The following GRIK4 variants were observed in gnomAD, a reference collection of about 807,000 sequenced individuals.
GRIK4 encodes the protein glutamate receptor ionotropic, kainate 4.
In GRIK4, 40 loss-of-function variants were observed where a neutral mutation model predicts 104.9. The ratio of observed to expected loss-of-function variants is 0.38; its 90% CI spans 0.30 to 0.50. The LOEUF (loss-of-function observed/expected upper bound fraction) is 0.50. GRIK4 is among the 20% of genes least tolerant of loss of function. The pLI is 0.93. For synonymous variants in GRIK4, 485 were observed against 524.9 expected (o/e 0.92, Z 1.04); for missense variants, 1,047 against 1,308.1 (o/e 0.80, Z 3.08).
intron 8 of GRIK4, among the ~76,000 whole-genome samples, chr11:120,847,709 C>A (rs1953883074): frequency 6.6e-6 from 1 of 152,226 alleles, no homozygotes; most frequent in Non-Finnish European, 1.5e-5. Context: ...TATTACTCCC[C>A]ATGGACAGCC....
intron 8 of GRIK4, chr11:120,859,424 A>G (rs1166188689): frequency 6.6e-6 from 1 of 152,248 alleles, no homozygotes; most frequent in African/African-American, 2.4e-5. Flanking sequence ...GCCTGAATCC[A>G]CTATATCACC....
chr11:120,654,440 T>C (rs1949669378), intron 2 of GRIK4, among the ~76,000 whole-genome samples: 2 of 152,186 alleles, frequency 1.3e-5, no homozygotes, highest in Non-Finnish European at 2.9e-5. Context: ...CTCTGCCCAC[T>C]GCGACCTCTG....
At chr11:120,669,063 C>T (rs1949970411) in intron 3 of GRIK4, among the ~76,000 whole-genome samples, 1 of 152,198 alleles carries the variant, frequency 6.6e-6, no homozygotes, top group South Asian at 2.1e-4. Context: ...CTTGTCTCTT[C>T]TCTTCTTTTA....
At chr11:120,962,742 A>C in intron 18 of GRIK4, 61 bp downstream of exon 18, 1 of 1,090,378 alleles carries the variant, frequency 9.2e-7, no homozygotes, top group Non-Finnish European at 1.4e-6. Flanking sequence ...AGGGTAGCTC[A>C]AACCACTGAA....
chr11:120,680,325 G>A (rs1025983661), intron 3 of GRIK4, among the ~76,000 whole-genome samples: 8 of 139,578 alleles, frequency 5.7e-5, no homozygotes, highest in African/African-American at 1.8e-4. Flanking sequence ...TGATCAACCT[G>A]CCCCGGCCTC....
chr11:120,930,221 G>A (rs915945013), intron 13 of GRIK4, among the ~76,000 whole-genome samples: 6 of 152,208 alleles, frequency 3.9e-5, no homozygotes, highest in Non-Finnish European at 7.3e-5. Context: ...GGGTCTCAGC[G>A]TCTTTGTCTC....
intron 3 of GRIK4, among the ~76,000 whole-genome samples, chr11:120,672,133 T>G (rs1229466276): frequency 6.6e-6 from 1 of 152,122 alleles, no homozygotes; most frequent in African/African-American, 2.4e-5. Flanking sequence ...CATATGAAAT[T>G]TAAGCCAGGC....
intron 20 of GRIK4, among the ~76,000 whole-genome samples, chr11:120,983,122 C>G (rs557475650): frequency 2.0e-3 from 303 of 152,312 alleles, no homozygotes; most frequent in African/African-American, 6.4e-3. Context: ...AGCAGATACC[C>G]CAGTCCTCCT....
At chr11:120,659,637 C>T (rs1209888896) in intron 2 of GRIK4, among the ~76,000 whole-genome samples, 2 of 152,208 alleles carry the variant, frequency 1.3e-5, no homozygotes, top group Non-Finnish European at 2.9e-5. Flanking sequence ...GTGTGCAGTG[C>T]CTGTGCTGCG....
Position 120,819,023 on chromosome 11 carries a change from A to G in GRIK4, c.346-732A>G, listed in dbSNP as rs572431367. On this transcript the variant is annotated intron_variant, in intron 5 of 20. Coordinates refer to ENST00000527524, the MANE Select transcript of GRIK4 (RefSeq NM_014619.5). This position sits in a 1 kb window ranked among gnomAD's most constrained non-coding sequence, Gnocchi z 4.3. ...CCTCTTAAGATCTTTTCCTGGGAGAAGAGAGGCAGAAGGCAGGACAGTGGG... is the reference window on the plus strand; with the variant it reads ...CCTCTTAAGATCTTTTCCTGGGAGAGGAGAGGCAGAAGGCAGGACAGTGGG... Among the ~76,000 whole-genome samples the G allele has an allele frequency of 1.5e-3, 221 of 152,356 alleles. 4 individuals are homozygous for G. Among genetic ancestry groups the G allele is most frequent in the Non-Finnish European group, 1.5e-3 (105 of 68,040 alleles).
At chr11:120,961,189 T>C (rs1944280289) in intron 17 of GRIK4, 115 bp downstream of exon 17, 5 of 986,838 alleles carry the variant, frequency 5.1e-6, no homozygotes, top group African/African-American at 1.6e-5. Context: ...TTTGAACATA[T>C]AGTTTGGAGG....
At chr11:120,804,500 T>C (rs1286397672) in intron 4 of GRIK4, among the ~76,000 whole-genome samples, 1 of 152,210 alleles carries the variant, frequency 6.6e-6, no homozygotes, top group Non-Finnish European at 1.5e-5. Flanking sequence ...TCCAGGCTCT[T>C]CCCTCTCTCT....
At chr11:120,641,734 C>T (rs1949474380) in intron 1 of GRIK4, among the ~76,000 whole-genome samples, 1 of 152,118 alleles carries the variant, frequency 6.6e-6, no homozygotes, top group Non-Finnish European at 1.5e-5. Flanking sequence ...GTTTACCACA[C>T]ACCCTGTTTT....
At chr11:120,776,262 G>A (rs535509314) in intron 3 of GRIK4, among the ~76,000 whole-genome samples, 10 of 152,328 alleles carry the variant, frequency 6.6e-5, no homozygotes, top group South Asian at 2.1e-4. Flanking sequence ...CTGGGACCGC[G>A]TGGACCAGAG....
At chr11:120,937,473 T>C (rs1943622419) in intron 13 of GRIK4, among the ~76,000 whole-genome samples, 1 of 152,220 alleles carries the variant, frequency 6.6e-6, no homozygotes, top group South Asian at 2.1e-4. Flanking sequence ...AATATAATAT[T>C]AAATGCAAGA....
chr11:120,662,119 G>A (rs530084173), intron 3 of GRIK4, among the ~76,000 whole-genome samples: 60 of 152,304 alleles, frequency 3.9e-4, no homozygotes, highest in African/African-American at 1.4e-3. Context: ...CGCCTCTCCC[G>A]ACACTTGTGC....
rs1220345687 is a variant in GRIK4 at position 120,902,936 on chromosome 11, C to A, written c.1273-2354C>A. 6.6e-6 allele frequency among the ~76,000 whole-genome samples: 1 copy of A among 152,140 alleles called. No individual in the cohort carries two copies. Among genetic ancestry groups the A allele is most frequent in the Non-Finnish European group, 1.5e-5 (1 of 68,020 alleles). On this transcript the variant is annotated intron_variant, in intron 12 of 20. Transcript: ENST00000527524. The surrounding 1 kb of genome is among the most constrained non-coding windows in gnomAD (Gnocchi z 4.5). ...CTCATCCAGAATCAGAATCACGTCA[C>A]CTTCCACTCAGAGCTCCCGCTCCCT... is the stretch of plus-strand genomic sequence containing the variant.
At chr11:120,651,655 A>G (rs756396395) in intron 1 of GRIK4, among the ~76,000 whole-genome samples, 1 of 152,170 alleles carries the variant, frequency 6.6e-6, no homozygotes, top group Admixed American at 6.5e-5. Flanking sequence ...TAGGTGAGTC[A>G]GACCAGGTCC....
intron 3 of GRIK4, among the ~76,000 whole-genome samples, chr11:120,708,397 C>A (rs1465736637): frequency 6.6e-6 from 1 of 152,152 alleles, no homozygotes; most frequent in African/African-American, 2.4e-5. Flanking sequence ...TCTAGCTCAG[C>A]TCCACAGAGG....
Sources: allele counts gnomAD v4.1 joint callset (sites outside exome capture counted in the v4.1 genomes callset), GRCh38; gene constraint gnomAD v4.1.1; non-coding constraint Gnocchi (gnomAD v3.1); transcripts MANE v1.5; gene names NCBI Gene and HGNC (gene_info 2026-07-23, HGNC 2026-07-21).